The following PTPRT variants were observed in gnomAD, a reference collection of about 807,000 sequenced individuals.
PTPRT encodes protein tyrosine phosphatase receptor type T.
A neutral mutation model predicts 176.8 loss-of-function variants in PTPRT; 56 were observed. The ratio of observed to expected loss-of-function variants is 0.32; its 90% CI spans 0.26 to 0.40. The LOEUF is 0.40. PTPRT is among the 10% of genes least tolerant of loss of function. The pLI, the probability that PTPRT is intolerant of heterozygous loss-of-function variation, is 1.00. For missense variants in PTPRT, 1,540 were observed against 1,908.2 expected (o/e 0.81, Z 3.60); for synonymous variants, 783 against 739.0 (o/e 1.06, Z -0.96).
rs775945479 is a variant in PTPRT at position 42,110,468 on chromosome 20, C to T, written c.3119G>A (p.Arg1040Gln). 6.2e-7 allele frequency: 1 copy of T among 1,608,170 alleles called. No homozygotes were observed. Among genetic ancestry groups the T allele is most frequent in the Non-Finnish European group, 8.5e-7 (1 of 1,175,978 alleles). The change falls in exon 23 of 31, where the codon CGG (arginine) becomes CAG (glutamine). Residue 1040 changes from arginine to glutamine, a missense_variant. By Grantham distance (43) the Arg-to-Gln change is conservative. Around this residue, in one of 11 missense-constraint regions of PTPRT, gnomAD observed 248 missense variants for 356.7 expected, o/e 0.70. Transcript: ENST00000373187. Reference protein sequence around the residue: ...TVQKKGYHEIRELRLFHFTSW... With the variant: ...TVQKKGYHEIQELRLFHFTSW... ...GGTGAAGTGGAAGAGGCGGAGCTCCCGGATCTCATGGTAGCCTTTCTGAGG... is the reference window on the plus strand; with the variant it reads ...GGTGAAGTGGAAGAGGCGGAGCTCCTGGATCTCATGGTAGCCTTTCTGAGG...
At chr20:42,720,188 T>G (rs1280509293) in intron 6 of PTPRT, among the ~76,000 whole-genome samples, 7 of 152,226 alleles carry the variant, frequency 4.6e-5, no homozygotes. Context: ...GGAAGAAAAG[T>G]GCAGTGAATA....
chr20:42,861,115 T>A (rs1019682184), intron 2 of PTPRT, among the ~76,000 whole-genome samples: 1 of 152,216 alleles, frequency 6.6e-6, no homozygotes, highest in East Asian at 1.9e-4. Flanking sequence ...AGTTTGGCCA[T>A]GGACAGAAGA....
chr20:42,649,242 G>T (rs936959885), intron 7 of PTPRT, among the ~76,000 whole-genome samples: 1 of 152,096 alleles, frequency 6.6e-6, no homozygotes, highest in African/African-American at 2.4e-5. Context: ...GGGAGAGCTT[G>T]TGCAAAGGAA....
chr20:42,996,814 T>C (rs1036188130), intron 1 of PTPRT, among the ~76,000 whole-genome samples: 7 of 152,226 alleles, frequency 4.6e-5, no homozygotes, highest in African/African-American at 1.4e-4. Flanking sequence ...AGTCTCATAA[T>C]AGCTATATGT....
At chr20:42,146,939 T>C (rs952036526) in intron 17 of PTPRT, among the ~76,000 whole-genome samples, 2 of 152,226 alleles carry the variant, frequency 1.3e-5, no homozygotes, top group Non-Finnish European at 2.9e-5. Context: ...TGAGTCCGTC[T>C]GACAAACTCC....
chr20:42,645,252 T>G (rs933990041), intron 7 of PTPRT, among the ~76,000 whole-genome samples: 7 of 152,108 alleles, frequency 4.6e-5, no homozygotes, highest in South Asian at 2.1e-4. Flanking sequence ...GGGAAGGGGC[T>G]CTCCCTGAGG....
chr20:42,728,938 T>C (rs1281909745), intron 6 of PTPRT, among the ~76,000 whole-genome samples: 1 of 151,378 alleles, frequency 6.6e-6, no homozygotes, highest in Non-Finnish European at 1.5e-5. Flanking sequence ...ACTGAAAGAG[T>C]GAACAAAGAA....
chr20:42,421,632 A>G (rs772135596), intron 9 of PTPRT, among the ~76,000 whole-genome samples: 1 of 152,076 alleles, frequency 6.6e-6, no homozygotes, highest in East Asian at 1.9e-4. Flanking sequence ...ATACTACCCA[A>G]AGCAATTTAT....
intron 12 of PTPRT, among the ~76,000 whole-genome samples, chr20:42,287,496 A>G (rs978841268): frequency 2.6e-5 from 4 of 151,950 alleles, no homozygotes; most frequent in African/African-American, 9.7e-5. Context: ...TAAATACTTC[A>G]TGTTCTCACT....
rs547226414 is a variant in PTPRT, at chr20:42,238,483, G to A, written c.2313-2225C>T. ...GAAAGTCATCAAATCCCCTTCACCA[G>A]CCATACACGTTAGCACTGTAAGGAG... On this transcript the variant is annotated intron_variant, in intron 14 of 30. Transcript: ENST00000373187. Among the ~76,000 whole-genome samples the A allele has an allele frequency of 7.2e-5, 11 of 152,296 alleles. No individual in the cohort carries two copies. The South Asian group carries it at 2.3e-3, about 32-fold the overall frequency.
intron 1 of PTPRT, among the ~76,000 whole-genome samples, chr20:43,127,287 G>C (rs1367884927): frequency 2.0e-5 from 3 of 151,954 alleles, no homozygotes; most frequent in Non-Finnish European, 4.4e-5. Flanking sequence ...GCCGGGCGTG[G>C]TGGTGGGCAC....
chr20:42,439,641 GT>G (rs1473549954), intron 9 of PTPRT, among the ~76,000 whole-genome samples: 1 of 152,192 alleles, frequency 6.6e-6, no homozygotes, highest in Non-Finnish European at 1.5e-5. Flanking sequence ...TTTAGAAGGT[GT>G]TTAGCTAGGA....
At chr20:42,584,256 C>T (rs1413774418) in intron 7 of PTPRT, among the ~76,000 whole-genome samples, 2 of 152,156 alleles carry the variant, frequency 1.3e-5, no homozygotes, top group Non-Finnish European at 2.9e-5. Flanking sequence ...TGCCACAATC[C>T]TCACAATGGC....
chr20:42,611,628 G>A (rs534991114), intron 7 of PTPRT, among the ~76,000 whole-genome samples: 2 of 152,158 alleles, frequency 1.3e-5, no homozygotes, highest in African/African-American at 2.4e-5. Context: ...TGTGTTCCAC[G>A]TGTGACTCAT....
chr20:42,201,011 G>A (rs2146683491), intron 15 of PTPRT, among the ~76,000 whole-genome samples: 1 of 152,354 alleles, frequency 6.6e-6, no homozygotes, highest in Middle Eastern at 3.4e-3. Flanking sequence ...AAGTATAAAA[G>A]GAAAGGATAA....
intron 1 of PTPRT, among the ~76,000 whole-genome samples, chr20:43,122,868 T>G (rs898382968): frequency 1.3e-5 from 2 of 152,192 alleles, no homozygotes; most frequent in African/African-American, 2.4e-5. Flanking sequence ...TGTTGTTGTT[T>G]TTGAGATGGA....
At chr20:42,384,294 T>C (rs1425708815) in intron 9 of PTPRT, among the ~76,000 whole-genome samples, 2 of 152,234 alleles carry the variant, frequency 1.3e-5, no homozygotes, top group Non-Finnish European at 2.9e-5. Flanking sequence ...GTGTCACACA[T>C]ACCAGTGTAG....
intron 1 of PTPRT, among the ~76,000 whole-genome samples, chr20:43,137,721 C>T (rs1306391208): frequency 6.6e-6 from 1 of 152,226 alleles, no homozygotes; most frequent in Non-Finnish European, 1.5e-5. Context: ...GCCCTATCTG[C>T]TGGCAGGCAC....
chr20:42,480,562 G>A (rs1478320938), intron 7 of PTPRT, among the ~76,000 whole-genome samples: 3 of 152,190 alleles, frequency 2.0e-5, no homozygotes, highest in Admixed American at 6.5e-5. Context: ...GGATGTAGGT[G>A]AATGGGACAC....
Sources: allele counts gnomAD v4.1 joint callset (sites outside exome capture counted in the v4.1 genomes callset), GRCh38; gene constraint gnomAD v4.1.1; regional missense constraint gnomAD v4.1.1; transcripts MANE v1.5; gene names NCBI Gene and HGNC (gene_info 2026-07-23, HGNC 2026-07-21).